Variants in ALDH1L1 observed in about 807,000 individuals in gnomAD.
ALDH1L1 encodes the protein cytosolic 10-formyltetrahydrofolate dehydrogenase.
Under a neutral mutation model 101.1 loss-of-function variants are expected in ALDH1L1, and 68 were observed. That is an observed-to-expected ratio of 0.67 (90% confidence interval 0.55 to 0.82). The LOEUF (loss-of-function observed/expected upper bound fraction) is 0.82. ALDH1L1 is among the 40% of genes least tolerant of loss of function. ALDH1L1 has a pLI of 0.00. For synonymous variants in ALDH1L1, 486 were observed against 470.8 expected, an observed-to-expected ratio of 1.03 and a Z score of -0.42; for missense variants, 1,087 against 1,172.7, an observed-to-expected ratio of 0.93 and a Z score of 1.07.
chr3:126,129,118 G>A (rs1324442819), intron 14 of ALDH1L1: 1 of 152,362 alleles, frequency 6.6e-6, no homozygotes, highest in Non-Finnish European at 1.5e-5. Context: ...CTTGCCCGAT[G>A]TCCTCTGTGG....
intron 1 of ALDH1L1, among the ~76,000 whole-genome samples, chr3:126,172,560 A>G (rs1437810028): frequency 6.6e-6 from 1 of 152,250 alleles, no homozygotes; most frequent in Non-Finnish European, 1.5e-5. Context: ...AAAAAAGACA[A>G]AACAGAATAT....
chr3:126,158,052 G>T (rs927759195), intron 3 of ALDH1L1, among the ~76,000 whole-genome samples: 1 of 151,940 alleles, frequency 6.6e-6, no homozygotes, highest in African/African-American at 2.4e-5. Context: ...CCAGCCCACC[G>T]CCTGGGGTGG....
At chr3:126,110,909 G>A (rs1456162868) in intron 19 of ALDH1L1, among the ~76,000 whole-genome samples, 1 of 152,154 alleles carries the variant, frequency 6.6e-6, no homozygotes, top group East Asian at 1.9e-4. Context: ...TCCTTTATTT[G>A]GGATTGTGAC....
At chr3:126,169,222 ACTTGT>A (rs1334529289) in intron 1 of ALDH1L1, among the ~76,000 whole-genome samples, 4 of 152,200 alleles carry the variant, frequency 2.6e-5, no homozygotes, top group Admixed American at 2.6e-4. Context: ...AGTCAAGAAA[ACTTGT>A]CTTAAGCTAG....
At position 126,157,526 on chromosome 3, in the gene ALDH1L1, G is replaced by GAGA. The variant is rs1197556035; in HGVS notation, c.363-19_363-18insTCT. ...TGAGGGTCCTAGGAAGCAGAAGAGT[G>GAGA]AAACCTGGAGTCCACGATGAAGGGC... On this transcript the variant is annotated intron_variant, in intron 3 of 22. Transcript: ENST00000393434. The GAGA allele has an allele frequency of 2.5e-6, 4 of 1,610,528 alleles. No individual in the cohort carries two copies. Among genetic ancestry groups the GAGA allele is most frequent in the Non-Finnish European group, 3.4e-6 (4 of 1,177,944 alleles).
intron 11 of ALDH1L1, among the ~76,000 whole-genome samples, 188 bp from the exon 12 acceptor site, chr3:126,135,850 C>T (rs1473337580): frequency 6.6e-6 from 1 of 152,174 alleles, no homozygotes; most frequent in African/African-American, 2.4e-5. Context: ...AGACAGGGCC[C>T]TGGGAGAGGG....
intron 20 of ALDH1L1, among the ~76,000 whole-genome samples, chr3:126,109,199 T>C (rs1309995158): frequency 6.6e-6 from 1 of 152,178 alleles, no homozygotes; most frequent in Non-Finnish European, 1.5e-5. Context: ...AGGCCCGGTC[T>C]AGGCACAAAG....
chr3:126,148,408 C>G (rs1174278360), intron 8 of ALDH1L1, among the ~76,000 whole-genome samples: 1 of 152,224 alleles, frequency 6.6e-6, no homozygotes, highest in Admixed American at 6.5e-5. Context: ...TTGGAGCGTT[C>G]TCCTGAACAG....
At chr3:126,187,761 A>G (rs1274318653) in intron 1 of ALDH1L1, among the ~76,000 whole-genome samples, 3 of 152,194 alleles carry the variant, frequency 2.0e-5, no homozygotes, top group Non-Finnish European at 4.4e-5. Context: ...GAGGGAAACT[A>G]TCAAGGGCCC....
In ALDH1L1 at chr3:126,158,420, G is replaced by GC; in HGVS notation, c.346dup (p.Ala116GlyfsTer13). 1 of 1,600,440 alleles carries GC rather than the reference G, an allele frequency of 6.2e-7. No homozygotes were observed. Reference sequence around the variant, plus strand: ...CCCATCTCACCAGTTGATGGCCGAGGCCCCTCGGTGCCTAGGGAGCAGTGA... The same window carrying GC: ...CCCATCTCACCAGTTGATGGCCGAGGCCCCCTCGGTGCCTAGGGAGCAGTGA... On this transcript the variant is annotated frameshift_variant, in exon 3 of 23. Transcript: ENST00000393434. LOFTEE classifies it high-confidence loss of function.
chr3:126,159,287 GC>G, intron 2 of ALDH1L1: 2 of 388,002 alleles, frequency 5.2e-6, no homozygotes, highest in Non-Finnish European at 1.0e-5. Flanking sequence ...CCCTCCTCCT[GC>G]CCCGTCACCA....
intron 16 of ALDH1L1, among the ~76,000 whole-genome samples, chr3:126,123,621 A>G (rs976525063): frequency 7.3e-6 from 1 of 136,756 alleles, no homozygotes; most frequent in African/African-American, 3.1e-5. Flanking sequence ...CTAAATTTTC[A>G]ACCCAAAAAG....
chr3:126,181,062 T>A, upstream of ALDH1L1: 2 of 1,522,640 alleles, frequency 1.3e-6, no homozygotes, highest in Non-Finnish European at 1.8e-6. Context: ...CGCATCCGGG[T>A]GGATAGCGGC....
rs1245159533 is a variant in ALDH1L1, at chr3:126,125,735, G to A, written c.1695-14C>T. ...ATGCCACAAACCCTGCCACACAAAA[G>A]AGGTTGGCCTTTGTCCTTCTTCTCC... On this transcript the variant is annotated splice_polypyrimidine_tract_variant and intron_variant, in intron 14 of 22. Transcript: ENST00000393434. 6.6e-7 allele frequency: 1 copy of A among 1,515,910 alleles called. No homozygotes were observed. The highest frequency in any genetic ancestry group is 8.9e-7 in the Non-Finnish European group (1 of 1,123,652). 93.9% of individuals were successfully genotyped at this position (1,515,910 alleles called of 1,614,324 possible). A position where few individuals can be genotyped will look rare whatever the true frequency, so the allele number is the denominator to read the frequency against.
At chr3:126,162,647 T>C (rs2081084336) in intron 1 of ALDH1L1, among the ~76,000 whole-genome samples, 1 of 152,232 alleles carries the variant, frequency 6.6e-6, no homozygotes. Context: ...GCTTGCCTTT[T>C]TCATCCTCGT....
intron 1 of ALDH1L1, among the ~76,000 whole-genome samples, chr3:126,162,202 T>G (rs1029590405): frequency 6.6e-6 from 1 of 152,220 alleles, no homozygotes; most frequent in African/African-American, 2.4e-5. Flanking sequence ...ATGGTACACA[T>G]GTACACATCT....
Position 126,112,779 on chromosome 3 carries a change from T to C in ALDH1L1, c.2181+3A>G, listed in dbSNP as rs371678856. The C allele has an allele frequency of 5.6e-6, 9 of 1,612,644 alleles. No homozygotes were observed. The highest frequency in any genetic ancestry group is 7.6e-6 in the Non-Finnish European group (9 of 1,179,934). ...CGCCCGCAGACCCTGGGGCAGGACT[T>C]ACCACTCTCCGCACGAACTCATCAT... On this transcript the variant is annotated splice_donor_region_variant and intron_variant, in intron 19 of 22. Transcript: ENST00000393434.
At chr3:126,157,555 G>A (rs1484135435) in intron 3 of ALDH1L1, 47 bp from the exon 4 acceptor site, 17 of 1,593,424 alleles carry the variant, frequency 1.1e-5, no homozygotes, top group Admixed American at 5.1e-5. Flanking sequence ...GAAGGGCCAC[G>A]GAGGATGTCC....
At chr3:126,147,178 C>T (rs2080710385) in intron 8 of ALDH1L1, among the ~76,000 whole-genome samples, 2 of 152,320 alleles carry the variant, frequency 1.3e-5, no homozygotes, top group South Asian at 2.1e-4. Flanking sequence ...CTCACCTCAA[C>T]CCCCAGCTTC....
Sources: allele counts gnomAD v4.1 joint callset (sites outside exome capture counted in the v4.1 genomes callset), GRCh38; gene constraint gnomAD v4.1.1; transcripts MANE v1.5; gene names NCBI Gene and HGNC (gene_info 2026-07-23, HGNC 2026-07-21).